The following ANO2 variants were observed in gnomAD, a reference collection of about 807,000 sequenced individuals.
ANO2 encodes the protein anoctamin 2, also known as anoctamin-2.
In ANO2, 101 loss-of-function variants were observed where a neutral mutation model predicts 124.2. The observed-to-expected ratio is 0.81, with a 90% confidence interval of 0.69 to 0.96. The LOEUF is 0.96. Ranked by LOEUF, ANO2 falls within the 40% of genes least tolerant of loss-of-function variation. The pLI is 0.00. For missense variants in ANO2, 1,293 were observed against 1,274.5 expected, an observed-to-expected ratio of 1.01 and a Z score of -0.22; for synonymous variants, 486 against 482.5, an observed-to-expected ratio of 1.01 and a Z score of -0.09.
intron 3 of ANO2, among the ~76,000 whole-genome samples, chr12:5,891,859 C>G (rs1181816350): frequency 5.3e-5 from 8 of 152,088 alleles, no homozygotes; most frequent in Admixed American, 5.2e-4. Context: ...ACCCAGATTT[C>G]CATAACATAA....
chr12:5,609,627 T>C (rs1379279001), intron 19 of ANO2, among the ~76,000 whole-genome samples: 1 of 152,052 alleles, frequency 6.6e-6, no homozygotes, highest in Non-Finnish European at 1.5e-5. Context: ...TTACATGGAA[T>C]GGGGGATTGG....
In ANO2 at chr12:5,660,147, C is replaced by T. The variant is rs533618954; in HGVS notation, c.1546-12346G>A. On this transcript the variant is annotated intron_variant, in intron 14 of 24. Transcript: ENST00000682330. ...TTTATCAGGCCATTAAATGCATTTT[C>T]TACTTTTAATATTTCTGACTTATGA... is the stretch of plus-strand genomic sequence containing the variant. Among the ~76,000 whole-genome samples, 28 of 152,214 alleles carry T rather than the reference C, an allele frequency of 1.8e-4. 1 individual carries two copies. In the East Asian group the frequency reaches 5.0e-3, roughly 27 times the overall value.
chr12:5,728,622 A>G (rs1950527480), intron 14 of ANO2, among the ~76,000 whole-genome samples: 1 of 152,212 alleles, frequency 6.6e-6, no homozygotes, highest in Admixed American at 6.5e-5. Context: ...TTGCTTTCTT[A>G]TAGACATTGA....
At chr12:5,747,106 G>A (rs1262393340) in intron 11 of ANO2, among the ~76,000 whole-genome samples, 3 of 152,190 alleles carry the variant, frequency 2.0e-5, no homozygotes, top group African/African-American at 4.8e-5. Context: ...TACATAAGAC[G>A]AAACCACGGG....
intron 19 of ANO2, among the ~76,000 whole-genome samples, chr12:5,603,852 G>C (rs955710690): frequency 5.4e-5 from 8 of 148,078 alleles, no homozygotes; most frequent in African/African-American, 1.7e-4. Context: ...GGCTGAGGCA[G>C]GAGAATGGCA....
chr12:5,891,895 T>C (rs977357956), intron 3 of ANO2, among the ~76,000 whole-genome samples: 4 of 152,138 alleles, frequency 2.6e-5, no homozygotes, highest in Non-Finnish European at 4.4e-5. Context: ...GGATACAATT[T>C]AAAATTACTG....
chr12:5,850,603 T>C (rs77500669), intron 4 of ANO2, among the ~76,000 whole-genome samples: 2,735 of 152,204 alleles, frequency 0.018, 73 homozygotes, highest in African/African-American at 0.061. Flanking sequence ...ACCCACCACA[T>C]TGACAAACAG....
chr12:5,682,156 C>T (rs1948519916), intron 14 of ANO2, among the ~76,000 whole-genome samples: 1 of 152,176 alleles, frequency 6.6e-6, no homozygotes, highest in Non-Finnish European at 1.5e-5. Context: ...TGCTTCCTAT[C>T]CCACAGTTTG....
intron 4 of ANO2, among the ~76,000 whole-genome samples, chr12:5,842,256 C>T (rs1409785368): frequency 1.3e-5 from 2 of 152,176 alleles, no homozygotes; most frequent in Non-Finnish European, 2.9e-5. Context: ...CAGTTATTAG[C>T]ACCACTATAT....
At chr12:5,807,763 T>C (rs1269929877) in intron 7 of ANO2, among the ~76,000 whole-genome samples, 1 of 152,212 alleles carries the variant, frequency 6.6e-6, no homozygotes, top group African/African-American at 2.4e-5. Context: ...CCGACTGCAC[T>C]TTGAGCTCCT....
intron 3 of ANO2, among the ~76,000 whole-genome samples, chr12:5,869,467 G>C (rs12312918): frequency 0.03 from 4,502 of 152,234 alleles, 226 homozygotes; most frequent in African/African-American, 0.1. Flanking sequence ...CAATAAAAAT[G>C]AGGGTGGGCA....
At chr12:5,639,577 C>T (rs929056577) in intron 15 of ANO2, among the ~76,000 whole-genome samples, 6 of 152,182 alleles carry the variant, frequency 3.9e-5, no homozygotes, top group Non-Finnish European at 8.8e-5. Context: ...GGGAAAGAGA[C>T]AGCTGAGAAA....
At chr12:5,873,706 G>A (rs924826095) in intron 3 of ANO2, among the ~76,000 whole-genome samples, 8 of 152,220 alleles carry the variant, frequency 5.3e-5, no homozygotes, top group South Asian at 2.1e-4. Context: ...ATGGCACCCC[G>A]ACTGAATCCT....
At position 5,647,342 on chromosome 12, in the gene ANO2, G is replaced by A. The variant is rs903079064; in HGVS notation, c.1620+385C>T. The stretch of plus-strand genomic sequence containing the variant: ...ATAAACCCAGCAACTACAGGAAAGC[G>A]GAAGGATCACACTTACCGAGCCCAA... On this transcript the variant is annotated intron_variant, in intron 15 of 24. Coordinates refer to ENST00000682330, the MANE Select transcript of ANO2 (RefSeq NM_001364791.2). Among the ~76,000 whole-genome samples the A allele has an allele frequency of 5.3e-5, 8 of 152,310 alleles. No homozygotes were observed. In the South Asian group the frequency reaches 1.0e-3, roughly 20 times the overall value.
chr12:5,655,963 T>C (rs1252799198), intron 14 of ANO2, among the ~76,000 whole-genome samples: 3 of 152,130 alleles, frequency 2.0e-5, no homozygotes, highest in Non-Finnish European at 4.4e-5. Flanking sequence ...GACAGAGAGT[T>C]CAAGTAAGTT....
intron 4 of ANO2, among the ~76,000 whole-genome samples, chr12:5,843,961 C>A (rs948221890): frequency 6.6e-6 from 1 of 152,110 alleles, no homozygotes; most frequent in Non-Finnish European, 1.5e-5. Context: ...AGAGTTAGGA[C>A]CTGAAGCAGC....
intron 4 of ANO2, chr12:5,851,969 G>T (rs1423801807): frequency 1.4e-6 from 1 of 738,584 alleles, no homozygotes; most frequent in Non-Finnish European, 2.5e-6. Flanking sequence ...CCTTTCCAAG[G>T]ATCAGCAGCA....
At chr12:5,710,279 G>C in intron 14 of ANO2, among the ~76,000 whole-genome samples, 1 of 152,206 alleles carries the variant, frequency 6.6e-6, no homozygotes, top group East Asian at 1.9e-4. Flanking sequence ...GATCTACAAA[G>C]AGAAAGAGGC....
At chr12:5,676,811 T>C (rs1192158302) in intron 14 of ANO2, among the ~76,000 whole-genome samples, 1 of 152,140 alleles carries the variant, frequency 6.6e-6, no homozygotes, top group Non-Finnish European at 1.5e-5. Context: ...CCCAGCACTT[T>C]GGGAGGCCGA....
Sources: gnomAD v4.1 joint callset for allele counts (sites outside exome capture counted in the v4.1 genomes callset) on GRCh38, gnomAD v4.1.1 for gene constraint, MANE v1.5 for transcripts, NCBI Gene and HGNC (gene_info 2026-07-23, HGNC 2026-07-21) for gene names.